The following CPSF1 variants were observed in gnomAD, a reference collection of about 807,000 sequenced individuals.
The protein encoded by CPSF1 is cleavage and polyadenylation specific factor 1.
In CPSF1, 106 loss-of-function variants were observed where a neutral mutation model predicts 175.8. That is an observed-to-expected ratio of 0.60 (90% CI 0.52 to 0.71). The LOEUF is 0.71. Among genes scored for constraint, CPSF1 ranks in the 30% least tolerant of loss-of-function variants. The pLI is 0.00. For missense variants in CPSF1, 1,734 were observed against 2,022.9 expected, an observed-to-expected ratio of 0.86 and a Z score of 2.74; for synonymous variants, 1,024 against 858.3, an observed-to-expected ratio of 1.19 and a Z score of -3.37.
chr8:144,395,216 C>G (rs781837485), intron 28 of CPSF1, 34 bp from the exon 29 acceptor site: 1 of 1,612,604 alleles, frequency 6.2e-7, no homozygotes, highest in Non-Finnish European at 8.5e-7. Context: ...CAGAGTAGGG[C>G]TTCCCCAAGA....
rs782128734 is a variant in CPSF1, at chr8:144,397,673, C to T, written c.2211-12G>A. On this transcript the variant is annotated splice_polypyrimidine_tract_variant and intron_variant, in intron 21 of 37. Transcript: ENST00000616140. The stretch of plus-strand genomic sequence containing the variant: ...CATCCACTGTGGGGCTGGGGGCCAG[C>T]AGAAGGTCATGGGCGGCCTGCCAGC... 7 of 1,546,878 alleles carry T rather than the reference C, an allele frequency of 4.5e-6. No homozygotes were observed. The highest frequency in any genetic ancestry group is 1.2e-5 in the South Asian group (1 of 83,264).
At chr8:144,402,657 G>A (rs2116892302) in intron 2 of CPSF1, among the ~76,000 whole-genome samples, 1 of 152,150 alleles carries the variant, frequency 6.6e-6, no homozygotes, top group East Asian at 1.9e-4. Context: ...CTGGTTAAGA[G>A]ATACAGAAGA....
chr8:144,394,196 C>G (rs781946129), intron 33 of CPSF1, 36 bp from the exon 34 acceptor site: 2 of 1,612,106 alleles, frequency 1.2e-6, no homozygotes, highest in Non-Finnish European at 1.7e-6. Flanking sequence ...CCCCGGCCAC[C>G]CCCAGAGCCT....
chr8:144,393,869 TC>T lies in CPSF1; in HGVS notation c.4015+13del. 1 of 1,604,578 alleles carries T rather than the reference TC, an allele frequency of 6.2e-7. No individual in the cohort carries two copies. ...GGGCCCCCCACCCAGACACACCTGC[TC>T]CCCCACACTCACCAAACCACGTGAT... is the stretch of plus-strand genomic sequence containing the variant. On this transcript the variant is annotated intron_variant, in intron 35 of 37. Coordinates refer to ENST00000616140, the MANE Select transcript of CPSF1 (RefSeq NM_013291.3).
rs1200907199 is a variant in CPSF1 at position 144,398,013 on chromosome 8, T to A, written c.2014A>T (p.Ser672Cys). 1.2e-6 allele frequency: 2 copies of A among 1,611,958 alleles called. No individual in the cohort carries two copies. The highest frequency in any genetic ancestry group is 1.7e-6 in the Non-Finnish European group (2 of 1,179,716). Reference protein sequence around the residue: ...EGHVTMFLLKSDSYGGRHHRL... With the variant: ...EGHVTMFLLKCDSYGGRHHRL... ...TGGTGGCGGCCACCGTAGGAGTCAC[T>A]CTTCAGCAGGAACATGGTGACGTGG... The change falls in exon 20 of 38, where the codon AGT becomes TGT. Residue 672 changes from serine (S) to cysteine (C), a missense_variant. Transcript: ENST00000616140.
intron 26 of CPSF1, chr8:144,395,950 C>T (rs1820694622): frequency 5.1e-6 from 2 of 392,694 alleles, no homozygotes; most frequent in South Asian, 3.2e-5. Flanking sequence ...GGCAGGGTCT[C>T]AAGTGACCTG....
rs2116869490 is a variant in CPSF1 at position 144,400,045 on chromosome 8, C to G, written c.978G>C (p.Gln326His). The G allele has an allele frequency of 9.3e-6, 15 of 1,608,808 alleles. No homozygotes were observed. The African/African-American group carries it at 1.6e-4, about 17-fold the overall frequency. ...TCTTGTCGTAGGAGATGAAGGTGGCCTGGGCGCAGTCCAGGGTGATCCGCA... is the reference window on the plus strand; with the variant it reads ...TCTTGTCGTAGGAGATGAAGGTGGCGTGGGCGCAGTCCAGGGTGATCCGCA... ...EGVRITLDCA[Q>H]ATFISYDKMV... The change falls in exon 10 of 38, where the codon CAG becomes CAC. Residue 326 changes from glutamine (Q) to histidine (H), a missense_variant. This residue lies in a region of CPSF1 where 162 missense variants were observed against 169.5 expected (regional missense o/e 0.96). Transcript: ENST00000616140.
rs2116878139 is a variant in CPSF1 at position 144,400,780 on chromosome 8, C to T, written c.577G>A (p.Val193Met). Reference protein sequence around the residue: ...SSFLPSYIIDVRALDEKLLNI... With the variant: ...SSFLPSYIIDMRALDEKLLNI... Reference sequence around the variant, plus strand: ...AGCAGCTTCTCGTCTAGGGCCCGCACGTCGATGATGTAGCTGGGCAGGAAG... The same window carrying T: ...AGCAGCTTCTCGTCTAGGGCCCGCATGTCGATGATGTAGCTGGGCAGGAAG... The change falls in exon 7 of 38, where the codon GTG becomes ATG. Residue 193 changes from valine to methionine, a missense_variant. This residue lies in a region of CPSF1 where 122 missense variants were observed against 177.2 expected (regional missense o/e 0.69). Transcript: ENST00000616140. 3.1e-6 allele frequency: 5 copies of T among 1,613,872 alleles called. No individual in the cohort carries two copies. The highest frequency in any genetic ancestry group is 1.1e-5 in the South Asian group (1 of 91,054).
Position 144,393,786 on chromosome 8 carries a change from G to C in CPSF1, c.4026C>G (p.Asp1342Glu). Reference protein sequence around the residue: ...NKHITWFATLDGGIGLLLPMQ... With the variant: ...NKHITWFATLEGGIGLLLPMQ... The stretch of plus-strand genomic sequence containing the variant: ...TGGGCAGCAGCAGCCCGATGCCGCC[G>C]TCCAGGGTGGCTGGCAGGGGTAGGG... Residue 1342 changes from aspartate to glutamate, a missense_variant, in exon 36 of 38, where the codon GAC (aspartate) becomes GAG (glutamate). Coordinates refer to ENST00000616140, the MANE Select transcript of CPSF1 (RefSeq NM_013291.3). 6.3e-7 allele frequency: 1 copy of C among 1,598,388 alleles called. No individual in the cohort carries two copies. Among genetic ancestry groups the C allele is most frequent in the Non-Finnish European group, 8.5e-7 (1 of 1,177,990 alleles).
Position 144,400,998 on chromosome 8 carries a change from G to A in CPSF1, c.465C>T (p.Tyr155=), listed in dbSNP as rs151325446. 45 of 1,610,398 alleles carry A rather than the reference G, an allele frequency of 2.8e-5. No individual in the cohort carries two copies. Among genetic ancestry groups the A allele is most frequent in the Admixed American group, 1.8e-4 (11 of 59,896 alleles). ...AGGGCAGGACCACCAGCCGCGTGCCGTAGACAAGCATGGCTGCACAGCGCC... is the reference window on the plus strand; with the variant it reads ...AGGGCAGGACCACCAGCCGCGTGCCATAGACAAGCATGGCTGCACAGCGCC... ...PDGRCAAMLV[Y]GTRLVVLPFR... is the part of the protein sequence containing the mutation. The change falls in exon 6 of 38, where the codon TAC becomes TAT. Residue 155 remains tyrosine (Y), a synonymous_variant. Coordinates refer to ENST00000616140, the MANE Select transcript of CPSF1 (RefSeq NM_013291.3).
Position 144,394,641 on chromosome 8 carries a change from C to T in CPSF1, c.3567+3G>A, listed in dbSNP as rs1246527645. 37 of 1,605,220 alleles carry T rather than the reference C, an allele frequency of 2.3e-5. No individual in the cohort carries two copies. Among genetic ancestry groups the T allele is most frequent in the Non-Finnish European group, 3.0e-5 (35 of 1,176,702 alleles). On this transcript the variant is annotated splice_donor_region_variant and intron_variant, in intron 31 of 37. Coordinates refer to ENST00000616140, the MANE Select transcript of CPSF1 (RefSeq NM_013291.3). ...GGACACACGCCGGGTGGGACTGGCA[C>T]ACCTTCTGGCCGATGGCCGACACCA...
intron 9 of CPSF1, 22 bp downstream of exon 9, chr8:144,400,144 G>GCCCCCC (rs1194072613): frequency 3.7e-6 from 4 of 1,070,444 alleles, no homozygotes; most frequent in South Asian, 3.7e-5. Context: ...GGCCCCCCCC[G>GCCCCCC]CCCCAGCCAC....
At position 144,395,467 on chromosome 8, in the gene CPSF1, C is replaced by G; in HGVS notation, c.3064G>C (p.Ala1022Pro). The G allele has an allele frequency of 6.2e-7, 1 of 1,612,450 alleles. No individual in the cohort carries two copies. The change falls in exon 27 of 38, where the codon GCC becomes CCC. Residue 1022 changes from alanine to proline, a missense_variant. Coordinates refer to ENST00000616140, the MANE Select transcript of CPSF1 (RefSeq NM_013291.3). Reference sequence around the variant, plus strand: ...TCCACGTGGTAAGCCACATAGTGGGCCGTGCAGCGCAGCGGGATCTTCCTG... The same window carrying G: ...TCCACGTGGTAAGCCACATAGTGGGGCGTGCAGCGCAGCGGGATCTTCCTG... ...PVRKIPLRCTAHYVAYHVESK... is the reference protein window; with the variant it reads ...PVRKIPLRCTPHYVAYHVESK...
At position 144,396,870 on chromosome 8, in the gene CPSF1, G is replaced by A. The variant is rs200519045; in HGVS notation, c.2652C>T (p.Gly884=). 12 of 1,614,016 alleles carry A rather than the reference G, an allele frequency of 7.4e-6. No individual in the cohort carries two copies. The Admixed American group carries it at 1.0e-4, about 13-fold the overall frequency. The change falls in exon 24 of 38, where the codon GGC becomes GGT. Residue 884 remains glycine, a synonymous_variant. Coordinates refer to ENST00000616140, the MANE Select transcript of CPSF1 (RefSeq NM_013291.3). ...TAAAGCGGACTTTGAGATTGCCCTG[G>A]CCGAGCTGAGAGTCGTGGGGGAAGG... is the stretch of plus-strand genomic sequence containing the variant. ...YEAFPHDSQL[G]QGNLKVRFKK...
chr8:144,396,706 T>C lies in CPSF1; in HGVS notation c.2718A>G (p.Pro906=). ...PHNINFREKK[P]KPSKKKAEGG... ...CTTCTGCTTTCTTCTTGGATGGCTTTGGCTTCTTCTCACGGAAGTTGATGT... is the reference window on the plus strand; with the variant it reads ...CTTCTGCTTTCTTCTTGGATGGCTTCGGCTTCTTCTCACGGAAGTTGATGT... Residue 906 remains proline, a synonymous_variant, in exon 25 of 38, where the codon CCA becomes CCG. Transcript: ENST00000616140. 2 of 1,613,962 alleles carry C rather than the reference T, an allele frequency of 1.2e-6. No individual in the cohort carries two copies. The highest frequency in any genetic ancestry group is 1.7e-6 in the Non-Finnish European group (2 of 1,180,008).
chr8:144,393,311 C>G lies in CPSF1; in HGVS notation c.*7G>C. 6.7e-7 allele frequency: 1 copy of G among 1,487,252 alleles called. No homozygotes were observed. The allele number at this position is 1,487,252 out of a possible 1,614,324, so 92.1% of individuals were successfully genotyped here. A position where few individuals can be genotyped will look rare whatever the true frequency, so the allele number is the denominator to read the frequency against. On this transcript the variant is annotated 3_prime_UTR_variant, in exon 38 of 38. Coordinates refer to ENST00000616140, the MANE Select transcript of CPSF1 (RefSeq NM_013291.3). The stretch of plus-strand genomic sequence containing the variant: ...TCCGTGTGCTGGTGGTGACGGCATC[C>G]ACGGGGCTAGAAGTGGGCGGTGACG...
intron 7 of CPSF1, 27 bp from the exon 8 acceptor site, chr8:144,400,520 G>A: frequency 6.2e-7 from 1 of 1,611,478 alleles, no homozygotes; most frequent in Admixed American, 1.7e-5. Context: ...GTCAGCCAAG[G>A]GCCTTGCCTC....
intron 5 of CPSF1, 57 bp downstream of exon 5, chr8:144,401,154 C>T (rs2130774717): frequency 1.4e-6 from 2 of 1,395,446 alleles, no homozygotes; most frequent in Admixed American, 2.1e-5. Flanking sequence ...AACCCAGCTG[C>T]AGGGGGAGGG....
intron 26 of CPSF1, 26 bp downstream of exon 26, chr8:144,396,322 G>A: frequency 6.4e-7 from 1 of 1,569,066 alleles, no homozygotes; most frequent in East Asian, 2.3e-5. Context: ...ATCAGCCAGT[G>A]CTGCTGGGAA....
Sources: gnomAD v4.1 joint callset for allele counts (sites outside exome capture counted in the v4.1 genomes callset) on GRCh38, gnomAD v4.1.1 for gene constraint, gnomAD v4.1.1 regional missense constraint, MANE v1.5 for transcripts, NCBI Gene and HGNC (gene_info 2026-07-23, HGNC 2026-07-21) for gene names.